Variants in SMCO2 observed in about 807,000 individuals in gnomAD.
SMCO2 encodes the protein single-pass membrane and coiled-coil domain-containing protein 2.
SMCO2 carries 25 observed loss-of-function variants against 29.5 expected under a neutral mutation model. That is an observed-to-expected ratio of 0.85 (90% CI 0.62 to 1.18). The LOEUF (loss-of-function observed/expected upper bound fraction) is 1.18. SMCO2 is among the 50% of genes most tolerant of loss of function. SMCO2 has a pLI of 0.00. For synonymous variants in SMCO2, 117 were observed against 123.3 expected (o/e 0.95, Z 0.34); for missense variants, 348 against 344.5 (o/e 1.01, Z -0.08).
At chr12:27,498,090 C>T in intron 7 of SMCO2, 1 of 304,294 alleles carries the variant, frequency 3.3e-6, no homozygotes. Flanking sequence ...GAATTGAGTG[C>T]TGCTTAGACA....
At chr12:27,453,947 T>C in the SMCO2 span, among the ~76,000 whole-genome samples, 1 of 152,226 alleles carries the variant, frequency 6.6e-6, no homozygotes, top group Non-Finnish European at 1.5e-5. Context: ...ATAACCATTG[T>C]TGACATTTTT....
At chr12:27,499,469 T>A (rs1177430637) in intron 7 of SMCO2, among the ~76,000 whole-genome samples, 2 of 150,420 alleles carry the variant, frequency 1.3e-5, no homozygotes, top group Non-Finnish European at 2.9e-5. Context: ...GGGAATGGGG[T>A]TTCTTTTTGG....
the SMCO2 span, among the ~76,000 whole-genome samples, chr12:27,445,462 ATC>A: frequency 6.6e-6 from 1 of 152,214 alleles, no homozygotes; most frequent in African/African-American, 2.4e-5. Context: ...TCTATATTTT[ATC>A]TGACAACCCT....
chr12:27,488,673 G>T (rs1462989344), intron 5 of SMCO2, 126 bp downstream of exon 6: 1 of 585,056 alleles, frequency 1.7e-6, no homozygotes, highest in African/African-American at 1.9e-5. Context: ...CTCTCTGGTG[G>T]TCACGTCTGA....
chr12:27,440,510 C>T, the SMCO2 span, among the ~76,000 whole-genome samples: 1 of 152,086 alleles, frequency 6.6e-6, no homozygotes, highest in African/African-American at 2.4e-5. Flanking sequence ...AGAATGAAGC[C>T]TAAAAGATAA....
chr12:27,452,399 T>C, the SMCO2 span, among the ~76,000 whole-genome samples: 6 of 152,200 alleles, frequency 3.9e-5, no homozygotes. Flanking sequence ...TTCTACCACA[T>C]TTTAAATCCA....
chr12:27,485,449 AG>A (rs1213439331), intron 4 of SMCO2, among the ~76,000 whole-genome samples: 2 of 139,802 alleles, frequency 1.4e-5, no homozygotes, highest in Non-Finnish European at 3.0e-5. Context: ...TATTTTTTTA[AG>A]TTTTTTTTTT....
chr12:27,491,969 C>CA (rs1942919568), intron 5 of SMCO2, among the ~76,000 whole-genome samples: 1 of 152,174 alleles, frequency 6.6e-6, no homozygotes, highest in East Asian at 1.9e-4. Flanking sequence ...CTCAGCCTCC[C>CA]AAGTGCTGGG....
chr12:27,483,070 A>G (rs1331115532), intron 4 of SMCO2, among the ~76,000 whole-genome samples: 1 of 152,198 alleles, frequency 6.6e-6, no homozygotes, highest in East Asian at 1.9e-4. Context: ...GGCGCTGAAT[A>G]TGGTCTATCT....
At chr12:27,465,028 C>CAAAAA (rs35630976), upstream of SMCO2, among the ~76,000 whole-genome samples, 25 of 60,304 alleles carry the variant, frequency 4.1e-4, no homozygotes, top group African/African-American at 7.8e-4. Context: ...GACCCTGTCT[C>CAAAAA]AAAAAAAAAA....
At chr12:27,425,482 G>A in the SMCO2 span, among the ~76,000 whole-genome samples, 1 of 152,070 alleles carries the variant, frequency 6.6e-6, no homozygotes, top group Non-Finnish European at 1.5e-5. Flanking sequence ...TTGTGCTCAC[G>A]TCAGACTCCA....
intron 6 of SMCO2, 27 bp from the exon 8 acceptor site, chr12:27,495,653 A>C: frequency 7.0e-7 from 1 of 1,431,390 alleles, no homozygotes; most frequent in Non-Finnish European, 9.3e-7. Context: ...AATTTTTTTA[A>C]GGTACTTGAT....
Sources: gnomAD v4.1 joint callset for allele counts (sites outside exome capture counted in the v4.1 genomes callset) on GRCh38, gnomAD v4.1.1 for gene constraint, MANE v1.5 for transcripts, NCBI Gene and HGNC (gene_info 2026-07-23, HGNC 2026-07-21) for gene names.